Variants in LINGO2 observed in about 807,000 individuals in gnomAD.
LINGO2 encodes the protein leucine rich repeat and Ig domain containing 2, also known as leucine-rich repeat and immunoglobulin-like domain-containing nogo receptor-interacting protein 2.
Under a neutral mutation model 30.6 loss-of-function variants are expected in LINGO2, and 14 were observed. The observed-to-expected ratio is 0.46, with a 90% CI of 0.30 to 0.72. The LOEUF (loss-of-function observed/expected upper bound fraction) is 0.72, where lower values mean the gene tolerates loss of function less well. Ranked by LOEUF, LINGO2 falls within the 30% of genes least tolerant of loss-of-function variation. LINGO2 has a pLI of 0.07. For synonymous variants in LINGO2, 317 were observed against 288.5 expected (o/e 1.10, Z -1.00); for missense variants, 729 against 751.7 (o/e 0.97, Z 0.35).
the LINGO2 span, among the ~76,000 whole-genome samples, chr9:28,828,392 T>A: frequency 6.6e-6 from 1 of 152,152 alleles, no homozygotes; most frequent in Non-Finnish European, 1.5e-5. Flanking sequence ...AGCAATGATA[T>A]AATACACCAA....
chr9:28,891,128 T>C, the LINGO2 span, among the ~76,000 whole-genome samples: 1 of 151,964 alleles, frequency 6.6e-6, no homozygotes, highest in African/African-American at 2.4e-5. Flanking sequence ...TAAATAGCAA[T>C]AAATGGTGCA....
At chr9:29,056,550 T>C in the LINGO2 span, among the ~76,000 whole-genome samples, 12 of 152,196 alleles carry the variant, frequency 7.9e-5, no homozygotes, top group African/African-American at 2.2e-4. Context: ...GTTGTCTGTT[T>C]ATCCTGCTGA....
chr9:28,217,456 GTGTTCTAAACATAGCACTCC>G (rs1195744618), intron 4 of LINGO2, among the ~76,000 whole-genome samples: 3 of 151,978 alleles, frequency 2.0e-5, no homozygotes, highest in African/African-American at 2.4e-5. Context: ...GTTTGTGCAT[GTGTTCTAAACATAGCACTCC>G]TGTTCATACC....
At chr9:28,313,621 C>A (rs900186473) in intron 3 of LINGO2, among the ~76,000 whole-genome samples, 1 of 152,138 alleles carries the variant, frequency 6.6e-6, no homozygotes, top group Non-Finnish European at 1.5e-5. Flanking sequence ...GGCAGAGAGG[C>A]TGGATTCTCT....
intron 2 of LINGO2, among the ~76,000 whole-genome samples, chr9:28,411,151 G>A (rs1466991088): frequency 8.0e-6 from 1 of 125,138 alleles, no homozygotes; most frequent in Non-Finnish European, 1.8e-5. Context: ...ACAAATAAAT[G>A]TATGGATTTT....
the LINGO2 span, among the ~76,000 whole-genome samples, chr9:28,774,311 A>C: frequency 6.6e-6 from 1 of 152,212 alleles, no homozygotes; most frequent in Non-Finnish European, 1.5e-5. Context: ...GAATAGCAAA[A>C]AAGAAAGAGG....
At chr9:28,786,818 T>C in the LINGO2 span, among the ~76,000 whole-genome samples, 1 of 151,956 alleles carries the variant, frequency 6.6e-6, no homozygotes, top group East Asian at 1.9e-4. Context: ...CTAGAAGTAA[T>C]AGAAAAGGAA....
chr9:28,409,516 T>C (rs949593168), intron 2 of LINGO2, among the ~76,000 whole-genome samples: 5 of 152,098 alleles, frequency 3.3e-5, no homozygotes, highest in Non-Finnish European at 5.9e-5. Context: ...CATTTCCCTG[T>C]TGAGACTCTG....
the LINGO2 span, among the ~76,000 whole-genome samples, chr9:28,917,295 C>T: frequency 0.73 from 111,051 of 152,106 alleles, 40,788 homozygotes; most frequent in Non-Finnish European, 0.78. Context: ...ATATCTACCT[C>T]AGCCTTCCAA....
intron 5 of LINGO2, among the ~76,000 whole-genome samples, chr9:28,001,230 G>A (rs949531521): frequency 3.3e-5 from 5 of 152,256 alleles, no homozygotes; most frequent in African/African-American, 1.2e-4. Context: ...TGTTCTGATT[G>A]AAGCAGCCAG....
the LINGO2 span, among the ~76,000 whole-genome samples, chr9:28,865,520 C>T: frequency 2.0e-5 from 3 of 152,090 alleles, no homozygotes; most frequent in Admixed American, 6.6e-5. Flanking sequence ...TGGTGGTTCA[C>T]GTCTGTAATC....
chr9:27,977,988 T>A (rs1223102381), intron 5 of LINGO2, among the ~76,000 whole-genome samples: 1 of 151,986 alleles, frequency 6.6e-6, no homozygotes, highest in African/African-American at 2.4e-5. Flanking sequence ...AAACATCATT[T>A]TTGGTGTAGC....
the LINGO2 span, among the ~76,000 whole-genome samples, chr9:28,875,319 G>T: frequency 6.6e-6 from 1 of 151,652 alleles, no homozygotes; most frequent in East Asian, 1.9e-4. Flanking sequence ...GTCTGGGTTT[G>T]TGTACGTCTA....
chr9:28,090,935 G>A (rs1283556779), intron 4 of LINGO2, among the ~76,000 whole-genome samples: 1 of 152,084 alleles, frequency 6.6e-6, no homozygotes, highest in Non-Finnish European at 1.5e-5. Context: ...CAAACAGAGA[G>A]CCAAATCATG....
At chr9:29,060,526 A>AT in the LINGO2 span, among the ~76,000 whole-genome samples, 3 of 152,162 alleles carry the variant, frequency 2.0e-5, no homozygotes, top group Admixed American at 2.0e-4. Flanking sequence ...CACAATCCAA[A>AT]TTTTTTCAAA....
At chr9:28,925,677 T>C in the LINGO2 span, among the ~76,000 whole-genome samples, 1 of 152,234 alleles carries the variant, frequency 6.6e-6, no homozygotes, top group East Asian at 1.9e-4. Context: ...ATTACAGCTT[T>C]CCATGATTTT....
intron 1 of LINGO2, among the ~76,000 whole-genome samples, chr9:28,577,708 C>T (rs140273744): frequency 1.3e-5 from 2 of 152,256 alleles, no homozygotes; most frequent in East Asian, 3.9e-4. Flanking sequence ...CACAGATAAA[C>T]AGCAAAATTT....
chr9:28,747,160 G>T, the LINGO2 span, among the ~76,000 whole-genome samples: 2 of 151,638 alleles, frequency 1.3e-5, no homozygotes, highest in East Asian at 1.9e-4. Context: ...GGATCCAGAA[G>T]GAGAGGAGGA....
chr9:28,291,448 C>A (rs1386290500), intron 4 of LINGO2, among the ~76,000 whole-genome samples: 1 of 152,116 alleles, frequency 6.6e-6, no homozygotes, highest in African/African-American at 2.4e-5. Flanking sequence ...TTCTAGGGAA[C>A]AGGGATAATG....
Sources: gnomAD v4.1 joint callset for allele counts (sites outside exome capture counted in the v4.1 genomes callset) on GRCh38, gnomAD v4.1.1 for gene constraint, MANE v1.5 for transcripts, NCBI Gene and HGNC (gene_info 2026-07-23, HGNC 2026-07-21) for gene names.